The following TSC22D4 variants were observed in gnomAD, a reference collection of about 807,000 sequenced individuals.
The protein encoded by TSC22D4 is TSC22 domain family protein 4.
In TSC22D4, 5 loss-of-function variants were observed where a neutral mutation model predicts 24.9. The ratio of observed to expected loss-of-function variants is 0.20; its 90% CI spans 0.10 to 0.42. The LOEUF (loss-of-function observed/expected upper bound fraction) is 0.42, where lower values mean the gene tolerates loss of function less well. TSC22D4 is among the 10% of genes least tolerant of loss of function. The pLI, the probability that TSC22D4 is intolerant of heterozygous loss-of-function variation, is 1.00. For missense variants in TSC22D4, 469 were observed against 547.9 expected (o/e 0.86, Z 1.44); for synonymous variants, 245 against 243.2 (o/e 1.01, Z -0.07).
In TSC22D4 at chr7:100,477,304, C is replaced by A. The variant is rs756042817; in HGVS notation, c.735G>T (p.Glu245Asp). The stretch of plus-strand genomic sequence containing the variant: ...GCCCCATCTCTTCTGGAGCACCCAA[C>A]TCCATCCGCAGCCGCATGTCTACAG... ...RKAVDMRLRM[E>D]LGAPEEMGQV... The change falls in exon 2 of 5, where the codon GAG becomes GAT. Residue 245 changes from glutamate (E) to aspartate (D), a missense_variant. Coordinates refer to ENST00000300181, the MANE Select transcript of TSC22D4 (RefSeq NM_030935.5). The surrounding 1 kb of genome is among the most constrained non-coding windows in gnomAD (Gnocchi z 7.8). 1.3e-6 allele frequency: 2 copies of A among 1,521,014 alleles called. No individual in the cohort carries two copies. Among genetic ancestry groups the A allele is most frequent in the Non-Finnish European group, 1.8e-6 (2 of 1,134,908 alleles). The allele number at this position is 1,521,014 out of a possible 1,614,324, so 94.2% of individuals were successfully genotyped here. A position where few individuals can be genotyped will look rare whatever the true frequency, so the allele number is the denominator to read the frequency against.
intron 4 of TSC22D4, 35 bp downstream of exon 4, chr7:100,467,517 C>T: frequency 6.2e-7 from 1 of 1,611,320 alleles, no homozygotes; most frequent in Non-Finnish European, 8.5e-7. Flanking sequence ...CTTAAGGGGG[C>T]CAGGACCTCC....
In TSC22D4 at chr7:100,477,871, G is replaced by C. The variant is rs1799535470; in HGVS notation, c.168C>G (p.Gly56=). The C allele has an allele frequency of 1.3e-6, 2 of 1,585,810 alleles. No individual in the cohort carries two copies. The highest frequency in any genetic ancestry group is 1.7e-6 in the Non-Finnish European group (2 of 1,168,100). ...GTGGTGGGGAGCCATTCCGGGGGGT[G>C]CCCTTGCCCCCCGGATCGGGGCTGG... is the stretch of plus-strand genomic sequence containing the variant. ...GEPSPDPGGK[G]TPRNGSPPPG... The change falls in exon 2 of 5, where the codon GGC becomes GGG. Residue 56 remains glycine (G), a synonymous_variant. Transcript: ENST00000300181. The surrounding 1 kb of genome is among the most constrained non-coding windows in gnomAD (Gnocchi z 7.8).
chr7:100,478,127 A>C lies in TSC22D4; in HGVS notation c.-89T>G. ...GGCACCCCTGGAACAAGGGGGCCAC[A>C]TGGCGGGGACATCCGAGCCCCTGGG... On this transcript the variant is annotated 5_prime_UTR_variant, in exon 2 of 5. It removes an upstream start codon present in the reference 5' UTR. Transcript: ENST00000300181. 6 of 1,083,804 alleles carry C rather than the reference A, an allele frequency of 5.5e-6. No individual in the cohort carries two copies. Among genetic ancestry groups the C allele is most frequent in the South Asian group, 1.6e-5 (1 of 63,134 alleles). The allele number at this position is 1,083,804 out of a possible 1,614,324, so 67.1% of individuals were successfully genotyped here. A position where few individuals can be genotyped will look rare whatever the true frequency, so the allele number is the denominator to read the frequency against.
chr7:100,478,334 A>AGGGAGAGAGAGG, intron 1 of TSC22D4, 27 bp from the exon 2 acceptor site: 1 of 287,990 alleles, frequency 3.5e-6, no homozygotes, highest in Admixed American at 6.4e-5. Flanking sequence ...AGAGAGAGAG[A>AGGGAGAGAGAGG]GAGAGAGAGA....
At position 100,477,202 on chromosome 7, in the gene TSC22D4, G is replaced by C; in HGVS notation, c.762+75C>G. ...GATGGAGAAGGAGGAGGAGAGGGGG[G>C]GGAGGAGGAGGAAGGAGGCTCAAGA... On this transcript the variant is annotated intron_variant, in intron 2 of 4. Transcript: ENST00000300181. This position sits in a 1 kb window ranked among gnomAD's most constrained non-coding sequence, Gnocchi z 7.8. The C allele has an allele frequency of 8.5e-7, 1 of 1,181,450 alleles. No homozygotes were observed. Among genetic ancestry groups the C allele is most frequent in the Middle Eastern group, 2.4e-4 (1 of 4,108 alleles). The allele number at this position is 1,181,450 out of a possible 1,614,324, so 73.2% of individuals were successfully genotyped here. A position where few individuals can be genotyped will look rare whatever the true frequency, so the allele number is the denominator to read the frequency against.
Position 100,478,312 on chromosome 7 carries a change from A to C in TSC22D4, c.-269-5T>G. 1 of 453,610 alleles carries C rather than the reference A, an allele frequency of 2.2e-6. No individual in the cohort carries two copies. Among genetic ancestry groups the C allele is most frequent in the South Asian group, 2.7e-5 (1 of 37,328 alleles). The allele number at this position is 453,610 out of a possible 1,614,324, so 28.1% of individuals were successfully genotyped here. On this transcript the variant is annotated splice_polypyrimidine_tract_variant and splice_region_variant and intron_variant, in intron 1 of 4. Transcript: ENST00000300181. Reference sequence around the variant, plus strand: ...CTCCAGAGCTGAGTTTGCAAACTGGAAAAAGAGGGGGAGAGAGAGAGAGAG... The same window carrying C: ...CTCCAGAGCTGAGTTTGCAAACTGGCAAAAGAGGGGGAGAGAGAGAGAGAG...
intron 3 of TSC22D4, among the ~76,000 whole-genome samples, chr7:100,471,859 G>A (rs752601218): frequency 5.9e-5 from 9 of 152,078 alleles, no homozygotes; most frequent in Non-Finnish European, 7.4e-5. Context: ...AGGCAGTACC[G>A]GACCCAAGGG....
chr7:100,477,590 G>C lies in TSC22D4; in HGVS notation c.449C>G (p.Ser150Cys). Reference protein sequence around the residue: ...PPSGLSQGPTSWLRPPPTSPG... With the variant: ...PPSGLSQGPTCWLRPPPTSPG... The stretch of plus-strand genomic sequence containing the variant: ...AGAGGTGGGGGGTGGACGGAGCCAG[G>C]AGGTGGGGCCCTGAGACAGGCCTGA... Residue 150 changes from serine to cysteine, a missense_variant, in exon 2 of 5, where the codon TCC (serine) becomes TGC (cysteine). Ser to Cys is a moderately radical substitution (Grantham distance 112). Coordinates refer to ENST00000300181, the MANE Select transcript of TSC22D4 (RefSeq NM_030935.5). This position sits in a 1 kb window ranked among gnomAD's most constrained non-coding sequence, Gnocchi z 7.8. 6.3e-7 allele frequency: 1 copy of C among 1,593,514 alleles called. No homozygotes were observed. Among genetic ancestry groups the C allele is most frequent in the Non-Finnish European group, 8.5e-7 (1 of 1,171,140 alleles).
Position 100,477,400 on chromosome 7 carries a change from C to A in TSC22D4, c.639G>T (p.Leu213=). Residue 213 remains leucine, a synonymous_variant, in exon 2 of 5, where the codon CTG becomes CTT. Transcript: ENST00000300181. This position sits in a 1 kb window ranked among gnomAD's most constrained non-coding sequence, Gnocchi z 7.8. Reference sequence around the variant, plus strand: ...CCTCCGCTTCCACCCTCAGAGAGGGCAGGGGCGTGGCAGCCCGGGATGTGC... The same window carrying A: ...CCTCCGCTTCCACCCTCAGAGAGGGAAGGGGCGTGGCAGCCCGGGATGTGC... The part of the protein sequence containing the change: ...SAGTSRAATP[L]PSLRVEAEAG... 6.3e-7 allele frequency: 1 copy of A among 1,596,710 alleles called. No homozygotes were observed. Among genetic ancestry groups the A allele is most frequent in the African/African-American group, 1.3e-5 (1 of 74,556 alleles).
chr7:100,468,114 C>T (rs950964557), intron 3 of TSC22D4: 1 of 349,370 alleles, frequency 2.9e-6, no homozygotes, highest in Non-Finnish European at 5.9e-6. Flanking sequence ...ACCACCCCCC[C>T]AAGGGCAAGG....
At chr7:100,467,836 G>C in intron 3 of TSC22D4, 1 of 691,062 alleles carries the variant, frequency 1.4e-6, no homozygotes. Context: ...GGGAGAGCAA[G>C]GGGAAGAGGC....
At chr7:100,473,391 AAG>A (rs750253325) in intron 3 of TSC22D4, among the ~76,000 whole-genome samples, 22 of 152,098 alleles carry the variant, frequency 1.4e-4, no homozygotes, top group Non-Finnish European at 1.0e-4. Context: ...TTAGGAGAGA[AAG>A]AGGGAGATGG....
In TSC22D4 at chr7:100,474,234, C is replaced by T; in HGVS notation, c.929+40G>A. On this transcript the variant is annotated intron_variant, in intron 3 of 4. Transcript: ENST00000300181. The surrounding 1 kb of genome is among the most constrained non-coding windows in gnomAD (Gnocchi z 4.3). The stretch of plus-strand genomic sequence containing the variant: ...GCTACCCCGGGTGCTGGGCGGGGAA[C>T]CTGAACCCCACGCCCCACCACCCCA... 1.9e-6 allele frequency: 3 copies of T among 1,605,732 alleles called. No individual in the cohort carries two copies. The highest frequency in any genetic ancestry group is 2.6e-6 in the Non-Finnish European group (3 of 1,173,754).
At chr7:100,471,569 G>A (rs1248964656) in intron 3 of TSC22D4, among the ~76,000 whole-genome samples, 2 of 151,978 alleles carry the variant, frequency 1.3e-5, no homozygotes, top group East Asian at 1.9e-4. Flanking sequence ...GTGAAACCCC[G>A]TTTCTACTAA....
At position 100,474,345 on chromosome 7, in the gene TSC22D4, T is replaced by C. The variant is rs746795292; in HGVS notation, c.858A>G (p.Val286=). Residue 286 remains valine (V), a synonymous_variant, in exon 3 of 5, where the codon GTA becomes GTG. Transcript: ENST00000300181. The surrounding 1 kb of genome is among the most constrained non-coding windows in gnomAD (Gnocchi z 4.3). ...VHKSPDPFGA[V]AAQKFSLAHS... ...GGGCCAGGCTGAACTTCTGAGCTGC[T>C]ACTGCTCCGAAGGGGTCTGGAGATT... 75 of 1,614,118 alleles carry C rather than the reference T, an allele frequency of 4.6e-5. No individual in the cohort carries two copies. Among genetic ancestry groups the C allele is most frequent in the Non-Finnish European group, 6.4e-5 (75 of 1,180,002 alleles).
rs1799512387 is a variant in TSC22D4, at chr7:100,477,187, GAGGAGGAGA to G, written c.762+81_762+89del. 7 of 1,070,020 alleles carry G rather than the reference GAGGAGGAGA, an allele frequency of 6.5e-6. No individual in the cohort carries two copies. The African/African-American group carries it at 9.1e-5, about 14-fold the overall frequency. 66.3% of individuals were successfully genotyped at this position (1,070,020 alleles called of 1,614,324 possible). Reference sequence around the variant, plus strand: ...CTGATCTTATAAAGTGATGGAGAAGGAGGAGGAGAGGGGGGGGAGGAGGAGGAAGGAGGC... The same window carrying G: ...CTGATCTTATAAAGTGATGGAGAAGGGGGGGGGGAGGAGGAGGAAGGAGGC... On this transcript the variant is annotated intron_variant, in intron 2 of 4. Coordinates refer to ENST00000300181, the MANE Select transcript of TSC22D4 (RefSeq NM_030935.5). This position sits in a 1 kb window ranked among gnomAD's most constrained non-coding sequence, Gnocchi z 7.8.
chr7:100,470,889 G>C (rs575308028), intron 3 of TSC22D4, among the ~76,000 whole-genome samples: 1 of 152,268 alleles, frequency 6.6e-6, no homozygotes, highest in South Asian at 2.1e-4. Flanking sequence ...AAATATGAGC[G>C]GCACCCCCTG....
intron 3 of TSC22D4, among the ~76,000 whole-genome samples, chr7:100,468,474 C>A (rs999869272): frequency 6.6e-6 from 1 of 152,112 alleles, no homozygotes; most frequent in Non-Finnish European, 1.5e-5. Context: ...CTGACGTGCT[C>A]GTGGTCTTCC....
chr7:100,466,896 A>AG lies in TSC22D4; in HGVS notation c.*62dup, dbSNP rs1263910186. 3 of 1,427,330 alleles carry AG rather than the reference A, an allele frequency of 2.1e-6. No individual in the cohort carries two copies. The highest frequency in any genetic ancestry group is 5.0e-5 in the East Asian group (2 of 40,126). The allele number at this position is 1,427,330 out of a possible 1,614,324, so 88.4% of individuals were successfully genotyped here. Reference sequence around the variant, plus strand: ...GGGGACATTAAAGCTGCATAGGAAGAGGGGGCAGGCGGCTGACGCAAGGCC... The same window carrying AG: ...GGGGACATTAAAGCTGCATAGGAAGAGGGGGGCAGGCGGCTGACGCAAGGCC... On this transcript the variant is annotated 3_prime_UTR_variant, in exon 5 of 5. Transcript: ENST00000300181.
Sources: allele counts gnomAD v4.1 joint callset (sites outside exome capture counted in the v4.1 genomes callset), GRCh38; gene constraint gnomAD v4.1.1; non-coding constraint Gnocchi (gnomAD v3.1); transcripts MANE v1.5; gene names NCBI Gene and HGNC (gene_info 2026-07-23, HGNC 2026-07-21).